ATP2C2: variants seen among roughly 807,000 people sequenced by gnomAD.
ATP2C2 encodes ATPase secretory pathway Ca2+ transporting 2.
Under a neutral mutation model 110.8 loss-of-function variants are expected in ATP2C2, and 171 were observed. The observed-to-expected ratio is 1.54, with a 90% confidence interval of 1.36 to 1.75. The LOEUF is 1.75. ATP2C2 is among the 40% of genes most tolerant of loss of function. ATP2C2 has a pLI of 0.00. For missense variants in ATP2C2, 1,963 were observed against 1,235.0 expected (o/e 1.59, Z -8.84); for synonymous variants, 804 against 508.4 (o/e 1.58, Z -7.82).
In ATP2C2 at chr16:84,430,828, T is replaced by C. The variant is rs933159016; in HGVS notation, c.986+5027T>C. Reference sequence around the variant, plus strand: ...AACAGGCTTACACTAGCACAACTTATGGGATCAGGGCATGGAAGAGACAGA... The same window carrying C: ...AACAGGCTTACACTAGCACAACTTACGGGATCAGGGCATGGAAGAGACAGA... On this transcript the variant is annotated intron_variant, in intron 11 of 26. Transcript: ENST00000262429. 3.9e-5 allele frequency among the ~76,000 whole-genome samples: 6 copies of C among 151,966 alleles called. 1 individual carries two copies. The highest frequency in any genetic ancestry group is 1.3e-4 in the Admixed American group (2 of 15,252).
In ATP2C2 at chr16:84,368,664, G is replaced by A. The variant is rs771457501; in HGVS notation, c.49G>A (p.Gly17Ser). Residue 17 changes from glycine to serine, a missense_variant, in exon 1 of 27, where the codon GGC (glycine) becomes AGC (serine). By Grantham distance (56) the Gly-to-Ser change is moderately conservative. Transcript: ENST00000262429. ...SEFLKKLGFS[G>S]GGRQYQALEK... The stretch of plus-strand genomic sequence containing the variant: ...GTTCCTGAAGAAACTCGGCTTCTCG[G>A]GCGGGGGCCGCCAGTACCAGGCGCT... The A allele has an allele frequency of 4.5e-6, 7 of 1,565,560 alleles. No homozygotes were observed. The African/African-American group carries it at 8.4e-5, about 19-fold the overall frequency.
At chr16:84,410,518 C>A (rs1906177579) in intron 4 of ATP2C2, 50 bp from the exon 5 acceptor site, 2 of 1,595,828 alleles carry the variant, frequency 1.3e-6, no homozygotes, top group African/African-American at 2.7e-5. Flanking sequence ...GCCCTGTCCC[C>A]CCTCCCACTG....
At chr16:84,384,775 C>T (rs1904298840) in intron 1 of ATP2C2, among the ~76,000 whole-genome samples, 1 of 152,192 alleles carries the variant, frequency 6.6e-6, no homozygotes, top group African/African-American at 2.4e-5. Context: ...TGAAGCCGGG[C>T]ATGGTGGCTC....
chr16:84,394,536 C>T (rs1431051724), intron 1 of ATP2C2, among the ~76,000 whole-genome samples: 2 of 152,052 alleles, frequency 1.3e-5, no homozygotes, highest in African/African-American at 2.4e-5. Context: ...GGGCTATGGT[C>T]ACCGAGTACC....
rs1206503988 is a variant in ATP2C2, at chr16:84,460,729, A to T, written c.2409A>T (p.Arg803Ser). Reference sequence around the variant, plus strand: ...GTGTGCGGGACACCATCCTCAGCAGAGCCCTCATCCTGAAGATCCTCATGT... The same window carrying T: ...GTGTGCGGGACACCATCCTCAGCAGTGCCCTCATCCTGAAGATCCTCATGT... The part of the protein sequence containing the change: ...PRSVRDTILS[R>S]ALILKILMSA... The change falls in exon 24 of 27, where the codon AGA (arginine) becomes AGT (serine). Residue 803 changes from arginine (R) to serine (S), a missense_variant. Transcript: ENST00000262429. 6.2e-7 allele frequency: 1 copy of T among 1,614,070 alleles called. No individual in the cohort carries two copies. The highest frequency in any genetic ancestry group is 1.3e-5 in the African/African-American group (1 of 74,934).
intron 7 of ATP2C2, among the ~76,000 whole-genome samples, chr16:84,418,662 G>A (rs185993470): frequency 1.3e-5 from 2 of 152,316 alleles, no homozygotes; most frequent in East Asian, 1.9e-4. Context: ...AGTGGGCGGT[G>A]GAGGGGGACA....
chr16:84,382,746 T>C (rs1393019200), intron 1 of ATP2C2, among the ~76,000 whole-genome samples: 1 of 152,052 alleles, frequency 6.6e-6, no homozygotes, highest in African/African-American at 2.4e-5. Flanking sequence ...ATGCAAAACA[T>C]TTAGCCAGGC....
intron 16 of ATP2C2, 135 bp from the exon 17 acceptor site, chr16:84,448,398 C>T (rs1377342576): frequency 1.8e-6 from 2 of 1,132,802 alleles, no homozygotes; most frequent in Non-Finnish European, 2.4e-6. Flanking sequence ...CTGTGAACAG[C>T]ACCAGCCTAT....
Position 84,396,223 on chromosome 16 carries a change from C to CGT in ATP2C2, c.100-2258_100-2257dup, listed in dbSNP as rs10571889. Among the ~76,000 whole-genome samples the CGT allele has an allele frequency of 4.4e-3, 657 of 150,596 alleles. 4 individuals are homozygous for CGT. Among genetic ancestry groups the CGT allele is most frequent in the African/African-American group, 0.014 (578 of 40,962 alleles). On this transcript the variant is annotated intron_variant, in intron 1 of 26. Transcript: ENST00000262429. Reference sequence around the variant, plus strand: ...TCTGCAAGTGTTTTCAAGCATCGGGCGTGTGTGTGTGTGTGTGTGAGATGG... The same window carrying CGT: ...TCTGCAAGTGTTTTCAAGCATCGGGCGTGTGTGTGTGTGTGTGTGTGAGATGG...
chr16:84,407,005 A>G (rs1905832900), intron 3 of ATP2C2, among the ~76,000 whole-genome samples: 1 of 152,104 alleles, frequency 6.6e-6, no homozygotes, highest in South Asian at 2.1e-4. Context: ...CATTCATCTT[A>G]TAGCTTGTCG....
Position 84,446,366 on chromosome 16 carries a change from A to T in ATP2C2, c.1439A>T (p.Lys480Ile), listed in dbSNP as rs1909747847. 1 of 1,604,486 alleles carries T rather than the reference A, an allele frequency of 6.2e-7. No homozygotes were observed. The change falls in exon 16 of 27, where the codon AAA (lysine) becomes ATA (isoleucine). Residue 480 changes from lysine (K) to isoleucine (I), a missense_variant. Coordinates refer to ENST00000262429, the MANE Select transcript of ATP2C2 (RefSeq NM_014861.4). ...GATATTAAAAATTCATATATAAGAA[A>T]AAAAGAGATTCCATTCAGTTCAGAG... Reference protein sequence around the residue: ...LSDIKNSYIRKKEIPFSSEQK... With the variant: ...LSDIKNSYIRIKEIPFSSEQK...
rs1597866568 is a variant in ATP2C2, at chr16:84,452,001, G to A, written c.1741G>A (p.Gly581Ser). 3.1e-6 allele frequency: 5 copies of A among 1,613,852 alleles called. No homozygotes were observed. In the East Asian group the frequency reaches 1.1e-4, roughly 36 times the overall value. ...GGGCATCATTGACCCCCCGAGAGTT[G>A]GCGTGAAGGAAGCAGTCCAGGTTCT... Reference protein sequence around the residue: ...LVGIIDPPRVGVKEAVQVLSE... With the variant: ...LVGIIDPPRVSVKEAVQVLSE... Residue 581 changes from glycine to serine, a missense_variant, in exon 18 of 27, where the codon GGC (glycine) becomes AGC (serine). By Grantham distance (56) the Gly-to-Ser change is moderately conservative (BLOSUM62 0). Transcript: ENST00000262429.
chr16:84,445,891 G>C (rs535193775), intron 15 of ATP2C2, among the ~76,000 whole-genome samples: 1 of 152,312 alleles, frequency 6.6e-6, no homozygotes, highest in East Asian at 1.9e-4. Flanking sequence ...TCACATCACT[G>C]ATCCAAAAGC....
At position 84,368,680 on chromosome 16, in the gene ATP2C2, A is replaced by G. The variant is rs200013593; in HGVS notation, c.65A>G (p.Tyr22Cys). The G allele has an allele frequency of 1.1e-4, 174 of 1,557,462 alleles. 1 individual carries two copies. In the African/African-American group the frequency reaches 2.3e-3, roughly 20 times the overall value. The change falls in exon 1 of 27, where the codon TAC becomes TGC. Residue 22 changes from tyrosine to cysteine, a missense_variant. Tyr to Cys is a radical substitution (Grantham distance 194). Transcript: ENST00000262429. Reference protein sequence around the residue: ...KLGFSGGGRQYQALEKDEEEA... With the variant: ...KLGFSGGGRQCQALEKDEEEA... ...GGCTTCTCGGGCGGGGGCCGCCAGT[A>G]CCAGGCGCTGGAGAAGGACGAAGAG...
At chr16:84,386,899 G>A (rs1904343786) in intron 1 of ATP2C2, among the ~76,000 whole-genome samples, 1 of 146,116 alleles carries the variant, frequency 6.8e-6, no homozygotes, top group South Asian at 2.3e-4. Context: ...CTGCATTTAG[G>A]GTTTTTGTTT....
intron 7 of ATP2C2, among the ~76,000 whole-genome samples, chr16:84,421,169 A>T (rs949342071): frequency 6.6e-6 from 1 of 152,312 alleles, no homozygotes; most frequent in African/African-American, 2.4e-5. Context: ...AGCCTCCTTC[A>T]AAGACTTTCC....
At chr16:84,455,760 A>AC (rs1290989245) in intron 21 of ATP2C2, among the ~76,000 whole-genome samples, 1 of 151,710 alleles carries the variant, frequency 6.6e-6, no homozygotes, top group Non-Finnish European at 1.5e-5. Flanking sequence ...AGAAAAAAAA[A>AC]AAAAAGTCAT....
At position 84,368,654 on chromosome 16, in the gene ATP2C2, C is replaced by T. The variant is rs1333270508; in HGVS notation, c.39C>T (p.Leu13=). The change falls in exon 1 of 27, where the codon CTC becomes CTT. Residue 13 remains leucine, a synonymous_variant. Coordinates refer to ENST00000262429, the MANE Select transcript of ATP2C2 (RefSeq NM_014861.4). ...EGRVSEFLKK[L]GFSGGGRQYQ... Reference sequence around the variant, plus strand: ...GCGTCTCCGAGTTCCTGAAGAAACTCGGCTTCTCGGGCGGGGGCCGCCAGT... The same window carrying T: ...GCGTCTCCGAGTTCCTGAAGAAACTTGGCTTCTCGGGCGGGGGCCGCCAGT... 7 of 1,564,784 alleles carry T rather than the reference C, an allele frequency of 4.5e-6. No homozygotes were observed. Among genetic ancestry groups the T allele is most frequent in the Non-Finnish European group, 6.1e-6 (7 of 1,156,806 alleles).
At chr16:84,396,823 G>T (rs1469680017) in intron 1 of ATP2C2, among the ~76,000 whole-genome samples, 3 of 151,940 alleles carry the variant, frequency 2.0e-5, no homozygotes. Flanking sequence ...GGATGGCTAA[G>T]CCTGCTTAAA....
Sources: gnomAD v4.1 joint callset for allele counts (sites outside exome capture counted in the v4.1 genomes callset) on GRCh38, gnomAD v4.1.1 for gene constraint, MANE v1.5 for transcripts, NCBI Gene and HGNC (gene_info 2026-07-23, HGNC 2026-07-21) for gene names.